The following LRRIQ3 variants were observed in gnomAD, a reference collection of about 807,000 sequenced individuals.
LRRIQ3 encodes the protein leucine rich repeats and IQ motif containing 3, also known as leucine-rich repeat and IQ domain-containing protein 3.
Under a neutral mutation model 59.3 loss-of-function variants are expected in LRRIQ3, and 75 were observed. The ratio of observed to expected loss-of-function variants is 1.26; its 90% CI spans 1.05 to 1.53. The LOEUF is 1.53. LRRIQ3 is among the 40% of genes most tolerant of loss of function. LRRIQ3 has a pLI of 0.00. For missense variants in LRRIQ3, 831 were observed against 710.0 expected (o/e 1.17, Z -1.94); for synonymous variants, 250 against 231.3 (o/e 1.08, Z -0.73).
At chr1:74,050,284 C>G (rs1654333968) in intron 6 of LRRIQ3, among the ~76,000 whole-genome samples, 1 of 152,100 alleles carries the variant, frequency 6.6e-6, no homozygotes, top group South Asian at 2.1e-4. Flanking sequence ...TTTCTCCAGC[C>G]ATAACTTCCA....
intron 5 of LRRIQ3, chr1:74,094,913 A>C (rs1219645379): frequency 2.0e-5 from 3 of 152,064 alleles, no homozygotes; most frequent in Non-Finnish European, 4.4e-5. Flanking sequence ...TTCAATAGTC[A>C]TTCCAATCTT....
chr1:74,055,922 A>T (rs558653485), intron 6 of LRRIQ3, among the ~76,000 whole-genome samples: 1 of 152,216 alleles, frequency 6.6e-6, no homozygotes, highest in East Asian at 1.9e-4. Flanking sequence ...AGGTGGGCAC[A>T]TCACGAGGTC....
intron 6 of LRRIQ3, among the ~76,000 whole-genome samples, chr1:74,067,989 C>T (rs552281827): frequency 5.3e-5 from 8 of 152,032 alleles, no homozygotes; most frequent in Non-Finnish European, 1.0e-4. Context: ...GTACAACCAA[C>T]ACACAGAATC....
chr1:74,188,257 G>A lies in LRRIQ3; in HGVS notation c.1-4573C>T, dbSNP rs150237150. Among the ~76,000 whole-genome samples, 541 of 152,250 alleles carry A rather than the reference G, an allele frequency of 3.6e-3. 5 individuals are homozygous for A. Among genetic ancestry groups the A allele is most frequent in the African/African-American group, 0.012 (500 of 41,562 alleles). The stretch of plus-strand genomic sequence containing the variant: ...ACATAAAGGGGAACAACACACTGGG[G>A]CCTACTAGAGGGAGGAGAGTGGGAG... On this transcript the variant is annotated intron_variant, in intron 1 of 7. Coordinates refer to ENST00000354431, the MANE Select transcript of LRRIQ3 (RefSeq NM_001105659.2).
chr1:74,120,548 C>A (rs1368242502), intron 4 of LRRIQ3, among the ~76,000 whole-genome samples: 1 of 151,896 alleles, frequency 6.6e-6, no homozygotes, highest in East Asian at 1.9e-4. Context: ...TTGTATCCAG[C>A]CACCAGCCAA....
At chr1:74,087,882 A>T (rs549877789) in intron 5 of LRRIQ3, among the ~76,000 whole-genome samples, 1 of 152,030 alleles carries the variant, frequency 6.6e-6, no homozygotes, top group Non-Finnish European at 1.5e-5. Context: ...GTGGATCATG[A>T]GGTCAGGAGT....
chr1:74,131,423 A>T (rs1444183786), intron 4 of LRRIQ3, among the ~76,000 whole-genome samples: 2 of 152,194 alleles, frequency 1.3e-5, no homozygotes, highest in Non-Finnish European at 2.9e-5. Context: ...ACACAACAAA[A>T]AAAGAGAATT....
At chr1:74,131,504 G>A (rs1570171914) in intron 4 of LRRIQ3, among the ~76,000 whole-genome samples, 2 of 152,144 alleles carry the variant, frequency 1.3e-5, no homozygotes, top group Non-Finnish European at 1.5e-5. Flanking sequence ...GAATCCAGCA[G>A]CACATCAAAA....
chr1:74,096,302 C>T (rs567754978), intron 5 of LRRIQ3, among the ~76,000 whole-genome samples: 6 of 152,134 alleles, frequency 3.9e-5, no homozygotes, highest in Non-Finnish European at 8.8e-5. Context: ...ATTATAAAAG[C>T]TATATTGGTA....
chr1:74,072,078 A>T (rs970173370), intron 6 of LRRIQ3, among the ~76,000 whole-genome samples: 1 of 152,096 alleles, frequency 6.6e-6, no homozygotes, highest in African/African-American at 2.4e-5. Flanking sequence ...ATTACTTTTA[A>T]GGGTAGTTTG....
chr1:74,055,282 C>A (rs572852736), intron 6 of LRRIQ3, among the ~76,000 whole-genome samples: 1 of 150,820 alleles, frequency 6.6e-6, no homozygotes, highest in East Asian at 2.0e-4. Flanking sequence ...ATGCAACTAT[C>A]ATGAATACCT....
chr1:74,067,718 TA>T (rs1189779605), intron 6 of LRRIQ3, among the ~76,000 whole-genome samples: 1 of 152,056 alleles, frequency 6.6e-6, no homozygotes, highest in African/African-American at 2.4e-5. Flanking sequence ...GAAGTTACTA[TA>T]AATCTGGAAT....
chr1:74,109,178 A>C, intron 5 of LRRIQ3: 1 of 344,036 alleles, frequency 2.9e-6, no homozygotes, highest in Non-Finnish European at 5.3e-6. Context: ...ATAAATTATT[A>C]AATGGTTGTG....
intron 3 of LRRIQ3, among the ~76,000 whole-genome samples, chr1:74,177,363 C>T (rs1414726083): frequency 1.3e-5 from 2 of 152,118 alleles, no homozygotes; most frequent in Non-Finnish European, 2.9e-5. Flanking sequence ...CCTTGCTCCT[C>T]AAGCTTGCAG....
chr1:74,151,440 T>A (rs1647946615), intron 4 of LRRIQ3, among the ~76,000 whole-genome samples: 1 of 152,068 alleles, frequency 6.6e-6, no homozygotes, highest in Non-Finnish European at 1.5e-5. Context: ...TGACAAGGTA[T>A]CCTCGGGAAA....
chr1:74,172,959 C>T (rs1369435650), intron 3 of LRRIQ3, among the ~76,000 whole-genome samples: 1 of 151,988 alleles, frequency 6.6e-6, no homozygotes, highest in African/African-American at 2.4e-5. Flanking sequence ...GGATTTAAAT[C>T]CAAGGAAAAT....
chr1:74,032,548 T>G (rs1653750438), intron 7 of LRRIQ3, among the ~76,000 whole-genome samples: 1 of 152,114 alleles, frequency 6.6e-6, no homozygotes, highest in African/African-American at 2.4e-5. Flanking sequence ...TATTTTTAAG[T>G]CAGCAATATC....
At chr1:74,149,328 T>C (rs1301146912) in intron 4 of LRRIQ3, among the ~76,000 whole-genome samples, 1 of 152,216 alleles carries the variant, frequency 6.6e-6, no homozygotes, top group Admixed American at 6.5e-5. Context: ...TGAAAAGCAC[T>C]TCAAGAATGT....
chr1:74,149,397 T>C (rs1557640711), intron 4 of LRRIQ3, among the ~76,000 whole-genome samples: 1 of 152,176 alleles, frequency 6.6e-6, no homozygotes, highest in South Asian at 2.1e-4. Flanking sequence ...CTTTGTCAGC[T>C]TGAAAATTGT....
Sources: allele counts gnomAD v4.1 joint callset (sites outside exome capture counted in the v4.1 genomes callset), GRCh38; gene constraint gnomAD v4.1.1; transcripts MANE v1.5; gene names NCBI Gene and HGNC (gene_info 2026-07-23, HGNC 2026-07-21).